The following GLUD1 variants were observed in gnomAD, a reference collection of about 807,000 sequenced individuals.
GLUD1 encodes glutamate dehydrogenase 1, mitochondrial.
A neutral mutation model predicts 56.0 loss-of-function variants in GLUD1; 22 were observed. That is an observed-to-expected ratio of 0.39 (90% CI 0.28 to 0.56). The LOEUF (loss-of-function observed/expected upper bound fraction) is 0.56. GLUD1 is among the 20% of genes least tolerant of loss of function. The probability of loss-of-function intolerance (pLI) is 0.58; values close to 1 mark genes in which losing one functional copy is unlikely to be tolerated. For synonymous variants in GLUD1, 223 were observed against 269.9 expected, an observed-to-expected ratio of 0.83 and a Z score of 1.70; for missense variants, 451 against 732.0, an observed-to-expected ratio of 0.62 and a Z score of 4.43.
Position 87,051,724 on chromosome 10 carries a change from A to G in GLUD1, c.*27T>C. Reference sequence around the variant, plus strand: ...TCTGCAGAAGTTACATGTGAAGAGGATAGTGAGGAAGTCAGCCATGATCCA... The same window carrying G: ...TCTGCAGAAGTTACATGTGAAGAGGGTAGTGAGGAAGTCAGCCATGATCCA... On this transcript the variant is annotated 3_prime_UTR_variant, in exon 13 of 13. Coordinates refer to ENST00000277865, the MANE Select transcript of GLUD1 (RefSeq NM_005271.5). The G allele has an allele frequency of 6.2e-7, 1 of 1,611,038 alleles. No homozygotes were observed. The highest frequency in any genetic ancestry group is 8.5e-7 in the Non-Finnish European group (1 of 1,178,910).
intron 12 of GLUD1, among the ~76,000 whole-genome samples, chr10:87,052,642 C>T (rs1845665704): frequency 7.8e-6 from 1 of 128,516 alleles, no homozygotes; most frequent in African/African-American, 3.2e-5. Flanking sequence ...TGCACTCTAG[C>T]CTGGGCAACA....
In GLUD1 at chr10:87,065,674, C is replaced by T. The variant is rs7083943; in HGVS notation, c.741+2389G>A. Among the ~76,000 whole-genome samples the T allele has an allele frequency of 5.8e-3, 878 of 152,238 alleles. 14 individuals are homozygous for T. The highest frequency in any genetic ancestry group is 0.02 in the African/African-American group (812 of 41,540). On this transcript the variant is annotated intron_variant, in intron 5 of 12. Transcript: ENST00000277865. Reference sequence around the variant, plus strand: ...CCACAATTATTTGAAGGGTCTATATCGTTCCTGTTTTATTTCAGGGGGTTG... The same window carrying T: ...CCACAATTATTTGAAGGGTCTATATTGTTCCTGTTTTATTTCAGGGGGTTG...
At chr10:87,056,936 A>C (rs1489931590) in intron 11 of GLUD1, among the ~76,000 whole-genome samples, 2 of 151,136 alleles carry the variant, frequency 1.3e-5, no homozygotes, top group East Asian at 3.9e-4. Flanking sequence ...TCCATCATTT[A>C]CTGGTAAAGA....
intron 3 of GLUD1, 31 bp from the exon 4 acceptor site, chr10:87,074,645 A>G: frequency 8.0e-7 from 1 of 1,250,738 alleles, no homozygotes; most frequent in Non-Finnish European, 1.2e-6. Flanking sequence ...AACAAAAGAA[A>G]AAATTGATAT....
chr10:87,091,471 C>T (rs191649609), intron 1 of GLUD1: 1 of 171,284 alleles, frequency 5.8e-6, no homozygotes, highest in African/African-American at 2.4e-5. Context: ...AACTTTTGAA[C>T]CAGTCTTCTC....
chr10:87,091,331 C>G (rs1476666186), intron 1 of GLUD1, among the ~76,000 whole-genome samples: 2 of 152,142 alleles, frequency 1.3e-5, no homozygotes, highest in African/African-American at 4.8e-5. Context: ...TCCAAACTGA[C>G]TTTAAAACAA....
chr10:87,052,008 T>A (rs766158988), intron 12 of GLUD1, 138 bp from the exon 13 acceptor site: 2 of 942,258 alleles, frequency 2.1e-6, no homozygotes, highest in African/African-American at 1.6e-5. Flanking sequence ...AAAGACAAAC[T>A]ACTCTAGCAG....
chr10:87,057,973 A>T (rs1845832062), intron 10 of GLUD1, among the ~76,000 whole-genome samples, 191 bp from the exon 11 acceptor site: 1 of 152,132 alleles, frequency 6.6e-6, no homozygotes, highest in Non-Finnish European at 1.5e-5. Flanking sequence ...GGTTCACGCC[A>T]TTCTCCTGCC....
chr10:87,065,201 G>A (rs887742719), intron 5 of GLUD1, among the ~76,000 whole-genome samples: 18 of 147,038 alleles, frequency 1.2e-4, no homozygotes, highest in Admixed American at 9.2e-4. Flanking sequence ...GCTGAGGCAG[G>A]AGAATTGCTT....
At chr10:87,093,293 C>T (rs1466358024) in intron 1 of GLUD1, among the ~76,000 whole-genome samples, 1 of 152,232 alleles carries the variant, frequency 6.6e-6, no homozygotes, top group Non-Finnish European at 1.5e-5. Context: ...AACAAGACTC[C>T]TCGCCTCCCT....
At chr10:87,074,412 A>G in intron 4 of GLUD1, 139 bp downstream of exon 4, 1 of 670,884 alleles carries the variant, frequency 1.5e-6, no homozygotes, top group African/African-American at 1.8e-5. Context: ...GAGACAAGAG[A>G]ATTGCTTGAA....
At chr10:87,071,542 A>T (rs1213899836) in intron 4 of GLUD1, among the ~76,000 whole-genome samples, 3 of 152,138 alleles carry the variant, frequency 2.0e-5, no homozygotes, top group African/African-American at 7.2e-5. Flanking sequence ...AATCTTTTTT[A>T]AAAAAGCAAC....
At position 87,080,256 on chromosome 10, in the gene GLUD1, C is replaced by T. The variant is rs367803994; in HGVS notation, c.446-3600G>A. On this transcript the variant is annotated intron_variant, in intron 1 of 12. Transcript: ENST00000277865. ...CACTCAGTGCTCAATGGTGCCCAGG[C>T]TGGAGTGCAGTGGCGTGATCTCGGC... is the stretch of plus-strand genomic sequence containing the variant. Among the ~76,000 whole-genome samples, 6 of 152,012 alleles carry T rather than the reference C, an allele frequency of 3.9e-5. No homozygotes were observed. In the East Asian group the frequency reaches 5.8e-4, roughly 15 times the overall value.
chr10:87,073,419 G>A (rs184162477), intron 4 of GLUD1, among the ~76,000 whole-genome samples: 3 of 152,162 alleles, frequency 2.0e-5, no homozygotes, highest in Admixed American at 1.3e-4. Context: ...CTCCAAAAAT[G>A]CTGGGATTAC....
chr10:87,057,922 G>A (rs1845830259), intron 10 of GLUD1, 140 bp from the exon 11 acceptor site: 5 of 640,438 alleles, frequency 7.8e-6, no homozygotes, highest in African/African-American at 1.8e-5. Context: ...AGGCTGGAGT[G>A]TAGAGGCGTG....
chr10:87,062,052 G>T (rs1250471001), intron 6 of GLUD1, among the ~76,000 whole-genome samples: 1 of 152,180 alleles, frequency 6.6e-6, no homozygotes, highest in Admixed American at 6.5e-5. Flanking sequence ...AAAGTGATGG[G>T]ATTACAGGCG....
chr10:87,067,911 T>G, intron 5 of GLUD1, 152 bp downstream of exon 5: 1 of 655,614 alleles, frequency 1.5e-6, no homozygotes. Flanking sequence ...GATTTAAGAA[T>G]AGACAAGTAG....
intron 1 of GLUD1, among the ~76,000 whole-genome samples, chr10:87,083,378 G>A (rs200580523): frequency 1.4e-4 from 21 of 152,290 alleles, no homozygotes; most frequent in East Asian, 5.8e-4. Flanking sequence ...TAGCACTTTT[G>A]AATGCCTACT....
intron 6 of GLUD1, 26 bp downstream of exon 6, chr10:87,062,630 G>A: frequency 3.8e-6 from 6 of 1,571,254 alleles, no homozygotes; most frequent in African/African-American, 1.3e-5. Flanking sequence ...AGTTATTAAG[G>A]AAACTTTTTT....
Sources: gnomAD v4.1 joint callset for allele counts (sites outside exome capture counted in the v4.1 genomes callset) on GRCh38, gnomAD v4.1.1 for gene constraint, MANE v1.5 for transcripts, NCBI Gene and HGNC (gene_info 2026-07-23, HGNC 2026-07-21) for gene names.